NOL4: variants seen among roughly 807,000 people sequenced by gnomAD.
NOL4 encodes cancer/testis antigen 125.
NOL4 carries 17 observed loss-of-function variants against 75.9 expected under a neutral mutation model. That is an observed-to-expected ratio of 0.22 (90% CI 0.15 to 0.34). The LOEUF (loss-of-function observed/expected upper bound fraction) is 0.34, where lower values mean the gene tolerates loss of function less well. Ranked by LOEUF, NOL4 falls within the 10% of genes least tolerant of loss-of-function variation. The pLI, the probability that NOL4 is intolerant of heterozygous loss-of-function variation, is 1.00. For missense variants in NOL4, 614 were observed against 793.5 expected (o/e 0.77, Z 2.72); for synonymous variants, 292 against 289.9 (o/e 1.01, Z -0.07).
intron 1 of NOL4, among the ~76,000 whole-genome samples, chr18:34,197,606 G>A (rs2035425299): frequency 6.6e-6 from 1 of 151,860 alleles, no homozygotes; most frequent in African/African-American, 2.4e-5. Context: ...TATCATAAAG[G>A]GACATAAACA....
rs62095810 is a variant in NOL4 at position 34,219,363 on chromosome 18, A to C, written c.264+3627T>G. Among the ~76,000 whole-genome samples the C allele has an allele frequency of 2.6e-3, 395 of 152,332 alleles. 1 individual carries two copies. Among genetic ancestry groups the C allele is most frequent in the Non-Finnish European group, 4.3e-3 (291 of 68,028 alleles). On this transcript the variant is annotated intron_variant, in intron 1 of 10. Transcript: ENST00000261592. ...AAAGACAAAAACATGAGCTTACCAA[A>C]TTCCTAATGTTTTATACAATGCAGA...
At chr18:34,069,411 C>A (rs776967937) in intron 5 of NOL4, among the ~76,000 whole-genome samples, 6 of 151,886 alleles carry the variant, frequency 4.0e-5, no homozygotes, top group Non-Finnish European at 8.8e-5. Context: ...GCATAAACTT[C>A]AAAAATACAC....
At chr18:34,010,891 T>C (rs2074333341) in intron 6 of NOL4, among the ~76,000 whole-genome samples, 1 of 151,886 alleles carries the variant, frequency 6.6e-6, no homozygotes, top group Admixed American at 6.6e-5. Context: ...GCCTATTGTT[T>C]AAATTGTATT....
intron 1 of NOL4, among the ~76,000 whole-genome samples, chr18:34,211,034 C>T (rs1259355930): frequency 6.6e-6 from 1 of 151,162 alleles, no homozygotes; most frequent in Non-Finnish European, 1.5e-5. Context: ...GAGCCGAGAT[C>T]GCAGCACTGC....
chr18:34,204,625 T>C (rs1045746566), intron 1 of NOL4, among the ~76,000 whole-genome samples: 5 of 152,082 alleles, frequency 3.3e-5, no homozygotes, highest in African/African-American at 7.2e-5. Flanking sequence ...TTCAGTGCCA[T>C]GGGCACAAGC....
At chr18:33,909,341 C>T (rs1458588249) in intron 9 of NOL4, among the ~76,000 whole-genome samples, 1 of 152,120 alleles carries the variant, frequency 6.6e-6, no homozygotes. Context: ...ACTTTATCTA[C>T]CACTTCTTTA....
At chr18:33,902,545 A>G (rs1278250622) in intron 9 of NOL4, among the ~76,000 whole-genome samples, 1 of 152,090 alleles carries the variant, frequency 6.6e-6, no homozygotes, top group East Asian at 1.9e-4. Context: ...ATATGTCTGA[A>G]TTTTTCCATG....
At chr18:34,200,537 C>CAAAACA (rs1480956003) in intron 1 of NOL4, among the ~76,000 whole-genome samples, 1 of 151,496 alleles carries the variant, frequency 6.6e-6, no homozygotes. Flanking sequence ...CTTCATATGG[C>CAAAACA]AAAACAAAAA....
intron 1 of NOL4, among the ~76,000 whole-genome samples, chr18:34,217,955 G>T (rs2037028785): frequency 6.6e-6 from 1 of 151,998 alleles, no homozygotes; most frequent in African/African-American, 2.4e-5. Context: ...AAATTGTGCT[G>T]TAAAATCAAC....
chr18:33,998,434 G>A (rs1309553757), intron 6 of NOL4, among the ~76,000 whole-genome samples: 3 of 151,834 alleles, frequency 2.0e-5, no homozygotes, highest in African/African-American at 4.8e-5. Flanking sequence ...TACCTTTTGA[G>A]GTCAGGAATA....
intron 9 of NOL4, among the ~76,000 whole-genome samples, chr18:33,941,381 G>GTA (rs1382308510): frequency 6.6e-6 from 1 of 151,980 alleles, no homozygotes; most frequent in Non-Finnish European, 1.5e-5. Flanking sequence ...TAGGTGGGAT[G>GTA]TATAGCTAGA....
At chr18:34,117,716 G>A (rs1327237228) in intron 2 of NOL4, among the ~76,000 whole-genome samples, 4 of 152,184 alleles carry the variant, frequency 2.6e-5, no homozygotes, top group African/African-American at 7.2e-5. Context: ...CAGTAAATGC[G>A]TTGGACTTCC....
At chr18:34,178,686 G>T (rs561550309) in intron 1 of NOL4, among the ~76,000 whole-genome samples, 2 of 151,628 alleles carry the variant, frequency 1.3e-5, no homozygotes, top group African/African-American at 4.8e-5. Flanking sequence ...CTTAACAACA[G>T]AGCCACAAGA....
At chr18:34,059,819 G>A (rs1001550510) in intron 5 of NOL4, among the ~76,000 whole-genome samples, 1 of 152,172 alleles carries the variant, frequency 6.6e-6, no homozygotes. Flanking sequence ...GAAACCATGT[G>A]CAGAGACCAT....
chr18:33,929,334 CT>C lies in NOL4; in HGVS notation c.1542+13730del, dbSNP rs149867248. ...CCTCATTTGTATGGAATACCCTCCTCTAGCTTTTCTGTCAATATCTTCATTA... is the reference window on the plus strand; with the variant it reads ...CCTCATTTGTATGGAATACCCTCCTCAGCTTTTCTGTCAATATCTTCATTA... On this transcript the variant is annotated intron_variant, in intron 9 of 10. Coordinates refer to ENST00000261592, the MANE Select transcript of NOL4 (RefSeq NM_003787.5). Among the ~76,000 whole-genome samples the C allele has an allele frequency of 5.5e-3, 837 of 152,264 alleles. 13 individuals are homozygous for C. Among genetic ancestry groups the C allele is most frequent in the African/African-American group, 0.019 (804 of 41,556 alleles).
intron 6 of NOL4, among the ~76,000 whole-genome samples, chr18:33,991,878 T>C (rs1181279547): frequency 6.7e-6 from 1 of 150,276 alleles, no homozygotes; most frequent in Non-Finnish European, 1.5e-5. Flanking sequence ...CTGAATTCTA[T>C]ACTGTACATG....
chr18:34,123,056 A>C (rs1405488375), intron 2 of NOL4, among the ~76,000 whole-genome samples: 1 of 151,984 alleles, frequency 6.6e-6, no homozygotes, highest in East Asian at 1.9e-4. Flanking sequence ...TTAATATAAA[A>C]ATTATTGATG....
At chr18:33,968,266 T>C (rs2070764646) in intron 6 of NOL4, among the ~76,000 whole-genome samples, 1 of 152,122 alleles carries the variant, frequency 6.6e-6, no homozygotes, top group African/African-American at 2.4e-5. Context: ...TTTGACCCAG[T>C]AATCCCATTA....
intron 6 of NOL4, among the ~76,000 whole-genome samples, chr18:33,998,544 T>C (rs2073458021): frequency 6.6e-6 from 1 of 152,106 alleles, no homozygotes; most frequent in Admixed American, 6.6e-5. Flanking sequence ...ATCTATTACA[T>C]GATTTGTAGA....
Sources: allele counts gnomAD v4.1 joint callset (sites outside exome capture counted in the v4.1 genomes callset), GRCh38; gene constraint gnomAD v4.1.1; transcripts MANE v1.5; gene names NCBI Gene and HGNC (gene_info 2026-07-23, HGNC 2026-07-21).